GPC5: variants seen among roughly 807,000 people sequenced by gnomAD.
GPC5 encodes glypican 5.
GPC5 carries 47 observed loss-of-function variants against 53.9 expected under a neutral mutation model. The ratio of observed to expected loss-of-function variants is 0.87; its 90% confidence interval spans 0.69 to 1.11. The LOEUF is 1.11. Ranked by LOEUF, GPC5 falls within the 50% of genes most tolerant of loss-of-function variation. The pLI is 0.00. For synonymous variants in GPC5, 286 were observed against 263.3 expected (o/e 1.09, Z -0.84); for missense variants, 748 against 713.1 (o/e 1.05, Z -0.56).
At chr13:92,579,274 C>CCTCCCTCCCTCCCT (rs1566302736) in intron 7 of GPC5, among the ~76,000 whole-genome samples, 2 of 16,006 alleles carry the variant, frequency 1.2e-4, no homozygotes. Flanking sequence ...TCCCTCCCTC[C>CCTCCCTCCCTCCCT]CTCTCTCTCT....
chr13:92,663,852 C>T (rs1361225057), intron 7 of GPC5, among the ~76,000 whole-genome samples: 1 of 87,788 alleles, frequency 1.1e-5, no homozygotes, highest in African/African-American at 4.2e-5. Flanking sequence ...TATACACACA[C>T]ACACTATATA....
chr13:91,786,688 A>G (rs1253941828), intron 5 of GPC5, among the ~76,000 whole-genome samples: 4 of 152,254 alleles, frequency 2.6e-5, no homozygotes, highest in South Asian at 2.1e-4. Context: ...TCTTTAAACT[A>G]TAATATTTAT....
At chr13:91,427,985 T>A (rs933120979) in intron 1 of GPC5, among the ~76,000 whole-genome samples, 1 of 152,208 alleles carries the variant, frequency 6.6e-6, no homozygotes, top group Admixed American at 6.5e-5. Context: ...CTGCCATGAT[T>A]GTAAGTTTCC....
intron 7 of GPC5, among the ~76,000 whole-genome samples, chr13:92,789,158 G>A (rs904399622): frequency 6.6e-6 from 1 of 152,042 alleles, no homozygotes; most frequent in African/African-American, 2.4e-5. Context: ...AGGAAAGCAC[G>A]GCTTCAACAT....
intron 5 of GPC5, among the ~76,000 whole-genome samples, chr13:91,806,251 G>C (rs2038219285): frequency 6.6e-6 from 1 of 151,542 alleles, no homozygotes; most frequent in South Asian, 2.1e-4. Flanking sequence ...GCCCAGGCTG[G>C]TCTTGTACTC....
At chr13:91,470,598 G>A (rs1882558192) in intron 2 of GPC5, among the ~76,000 whole-genome samples, 1 of 152,184 alleles carries the variant, frequency 6.6e-6, no homozygotes, top group African/African-American at 2.4e-5. Flanking sequence ...ATTTTGTGAT[G>A]TGATTTTGAA....
At chr13:92,045,629 G>T (rs1383016651) in intron 6 of GPC5, among the ~76,000 whole-genome samples, 1 of 152,072 alleles carries the variant, frequency 6.6e-6, no homozygotes, top group Admixed American at 6.5e-5. Context: ...CACTTTCATG[G>T]TACTTAAGAT....
Position 92,367,106 on chromosome 13 carries a change from G to T in GPC5, c.1561+222117G>T, listed in dbSNP as rs890104103. ...ACACGTCAAAGTCTGCACTAGTAAGGCACACCAAGAAACAACTAAATTCAA... is the reference window on the plus strand; with the variant it reads ...ACACGTCAAAGTCTGCACTAGTAAGTCACACCAAGAAACAACTAAATTCAA... On this transcript the variant is annotated intron_variant, in intron 7 of 7. Coordinates refer to ENST00000377067, the MANE Select transcript of GPC5 (RefSeq NM_004466.6). Among the ~76,000 whole-genome samples, 3 of 152,002 alleles carry T rather than the reference G, an allele frequency of 2.0e-5. No homozygotes were observed. The East Asian group carries it at 5.8e-4, about 29-fold the overall frequency.
chr13:92,726,338 C>CTAG (rs1888646647), intron 7 of GPC5, among the ~76,000 whole-genome samples: 1 of 151,446 alleles, frequency 6.6e-6, no homozygotes, highest in Non-Finnish European at 1.5e-5. Context: ...GCTCTTAAAT[C>CTAG]TAGTTGTTTC....
chr13:92,469,030 G>T (rs1462109934), intron 7 of GPC5, among the ~76,000 whole-genome samples: 1 of 152,078 alleles, frequency 6.6e-6, no homozygotes, highest in African/African-American at 2.4e-5. Flanking sequence ...ACTGTTCCAT[G>T]ATGTCTTATA....
intron 5 of GPC5, among the ~76,000 whole-genome samples, chr13:91,867,772 C>T (rs2039100533): frequency 6.6e-6 from 1 of 152,114 alleles, no homozygotes; most frequent in African/African-American, 2.4e-5. Flanking sequence ...AAAATTAATT[C>T]AAAAATTTAG....
chr13:92,850,820 GGTAAAA>G (rs1878770602), intron 7 of GPC5, among the ~76,000 whole-genome samples: 2 of 152,178 alleles, frequency 1.3e-5, no homozygotes, highest in African/African-American at 4.8e-5. Flanking sequence ...TACAGTTGAG[GGTAAAA>G]GTAAAAGTAT....
intron 2 of GPC5, among the ~76,000 whole-genome samples, chr13:91,462,255 T>A (rs1179122785): frequency 6.6e-6 from 1 of 152,166 alleles, no homozygotes; most frequent in African/African-American, 2.4e-5. Context: ...ACTTATTCAT[T>A]CTGATCACAT....
intron 1 of GPC5, among the ~76,000 whole-genome samples, chr13:91,413,659 T>C (rs1413150958): frequency 6.6e-6 from 1 of 152,228 alleles, no homozygotes; most frequent in Non-Finnish European, 1.5e-5. Flanking sequence ...GATAACACTT[T>C]CCAGGCTCCT....
intron 6 of GPC5, among the ~76,000 whole-genome samples, chr13:92,107,082 C>T (rs148595776): frequency 6.6e-6 from 1 of 152,186 alleles, no homozygotes; most frequent in African/African-American, 2.4e-5. Flanking sequence ...TAGGATAGAA[C>T]ACAATTTTTC....
intron 6 of GPC5, among the ~76,000 whole-genome samples, chr13:92,096,314 A>G (rs1283318807): frequency 1.3e-5 from 2 of 152,152 alleles, no homozygotes; most frequent in Non-Finnish European, 2.9e-5. Flanking sequence ...AAATATTCAG[A>G]TTTGTTTATT....
chr13:91,944,706 C>T (rs1003881202), intron 6 of GPC5, among the ~76,000 whole-genome samples: 3 of 152,164 alleles, frequency 2.0e-5, no homozygotes, highest in African/African-American at 7.2e-5. Flanking sequence ...TAGTATTTCA[C>T]CTACTCCAAA....
At chr13:91,566,199 A>G (rs771577943) in intron 2 of GPC5, among the ~76,000 whole-genome samples, 3 of 152,112 alleles carry the variant, frequency 2.0e-5, no homozygotes, top group Non-Finnish European at 2.9e-5. Flanking sequence ...TATTAAAGTC[A>G]GTTCTGAGTT....
At chr13:92,685,139 A>G (rs1887223413) in intron 7 of GPC5, among the ~76,000 whole-genome samples, 1 of 151,574 alleles carries the variant, frequency 6.6e-6, no homozygotes, top group East Asian at 1.9e-4. Flanking sequence ...CACCCATGCT[A>G]GAGTGCAGTG....
Sources: allele counts gnomAD v4.1 joint callset (sites outside exome capture counted in the v4.1 genomes callset), GRCh38; gene constraint gnomAD v4.1.1; transcripts MANE v1.5; gene names NCBI Gene and HGNC (gene_info 2026-07-23, HGNC 2026-07-21).